ARPP21: variants seen among roughly 807,000 people sequenced by gnomAD.
The protein encoded by ARPP21 is cAMP regulated phosphoprotein 21, also known as cAMP-regulated phosphoprotein 21.
A neutral mutation model predicts 113.2 loss-of-function variants in ARPP21; 69 were observed. That is an observed-to-expected ratio of 0.61 (90% CI 0.50 to 0.74). The LOEUF is 0.74. Ranked by LOEUF, ARPP21 falls within the 30% of genes least tolerant of loss-of-function variation. ARPP21 has a pLI of 0.00. For synonymous variants in ARPP21, 368 were observed against 375.5 expected (o/e 0.98, Z 0.23); for missense variants, 1,070 against 1,037.4 (o/e 1.03, Z -0.43).
intron 1 of ARPP21, among the ~76,000 whole-genome samples, chr3:35,648,049 A>T (rs894834078): frequency 2.6e-5 from 4 of 152,204 alleles, no homozygotes; most frequent in Non-Finnish European, 5.9e-5. Flanking sequence ...GTAATTTGGA[A>T]TACAGCTCTC....
intron 14 of ARPP21, among the ~76,000 whole-genome samples, chr3:35,724,443 A>G: frequency 6.6e-6 from 1 of 152,108 alleles, no homozygotes; most frequent in Non-Finnish European, 1.5e-5. Flanking sequence ...GGGTTTCTGA[A>G]CTTTAGCTCC....
chr3:35,675,440 C>T (rs2077239440), intron 1 of ARPP21, among the ~76,000 whole-genome samples: 1 of 151,844 alleles, frequency 6.6e-6, no homozygotes, highest in South Asian at 2.1e-4. Flanking sequence ...AAAAACCCTC[C>T]TTATCTGTAG....
At chr3:35,779,454 G>A (rs777336086) in intron 19 of ARPP21, among the ~76,000 whole-genome samples, 1 of 152,142 alleles carries the variant, frequency 6.6e-6, no homozygotes, top group Non-Finnish European at 1.5e-5. Flanking sequence ...GAGAAATTCT[G>A]TGTGTGATCC....
intron 19 of ARPP21, among the ~76,000 whole-genome samples, chr3:35,745,639 A>G (rs2094987455): frequency 6.6e-6 from 1 of 152,240 alleles, no homozygotes; most frequent in Non-Finnish European, 1.5e-5. Context: ...ATAACTGGGC[A>G]ACAGAATTAG....
chr3:35,780,219 T>G (rs1347956607), intron 19 of ARPP21, among the ~76,000 whole-genome samples: 1 of 152,186 alleles, frequency 6.6e-6, no homozygotes, highest in Non-Finnish European at 1.5e-5. Context: ...GCATCATCAA[T>G]GAATGTTCTT....
intron 14 of ARPP21, among the ~76,000 whole-genome samples, chr3:35,728,836 T>G (rs977919594): frequency 6.6e-5 from 10 of 152,300 alleles, no homozygotes; most frequent in Non-Finnish European, 1.3e-4. Context: ...GGAGAACCAG[T>G]ACTTCAGAAC....
chr3:35,690,323 A>G (rs2081881569), intron 8 of ARPP21, among the ~76,000 whole-genome samples, 183 bp downstream of exon 8: 1 of 151,444 alleles, frequency 6.6e-6, no homozygotes, highest in Non-Finnish European at 1.5e-5. Context: ...TGCTTGGACC[A>G]TGTGTGCTTC....
intron 14 of ARPP21, among the ~76,000 whole-genome samples, chr3:35,728,333 G>C (rs954189305): frequency 2.7e-5 from 4 of 147,764 alleles, no homozygotes; most frequent in Non-Finnish European, 1.5e-5. Context: ...ATTCTCCTGC[G>C]TCAGCCTCCT....
intron 19 of ARPP21, among the ~76,000 whole-genome samples, chr3:35,751,956 C>T (rs1298584412): frequency 3.3e-5 from 5 of 152,054 alleles, no homozygotes; most frequent in African/African-American, 7.2e-5. Context: ...TTTGGAAATA[C>T]GTCATTACCT....
At chr3:35,760,579 T>C (rs1320082734) in intron 19 of ARPP21, among the ~76,000 whole-genome samples, 1 of 151,974 alleles carries the variant, frequency 6.6e-6, no homozygotes, top group Non-Finnish European at 1.5e-5. Flanking sequence ...TGTCTGCTCC[T>C]CTTAAAAGAA....
chr3:35,752,337 T>C (rs530667064), intron 19 of ARPP21, among the ~76,000 whole-genome samples: 1 of 152,052 alleles, frequency 6.6e-6, no homozygotes, highest in African/African-American at 2.4e-5. Context: ...AAACGATGTA[T>C]GTTTAAAGAG....
intron 9 of ARPP21, among the ~76,000 whole-genome samples, chr3:35,695,145 C>T (rs2149721017): frequency 6.6e-6 from 1 of 151,442 alleles, no homozygotes; most frequent in South Asian, 2.1e-4. Context: ...TGTTCAACTC[C>T]ATAGACTTAT....
intron 5 of ARPP21, chr3:35,685,313 G>C: frequency 1.0e-6 from 1 of 985,320 alleles, no homozygotes; most frequent in South Asian, 4.7e-5. Flanking sequence ...TCCAAGCTCA[G>C]AAACCAAGAC....
intron 9 of ARPP21, among the ~76,000 whole-genome samples, chr3:35,706,728 G>A (rs1289438413): frequency 6.6e-6 from 1 of 152,116 alleles, no homozygotes; most frequent in African/African-American, 2.4e-5. Context: ...CTTTAAATTT[G>A]TTTTTCAATT....
chr3:35,655,568 T>A (rs898888240), intron 1 of ARPP21, among the ~76,000 whole-genome samples: 2 of 152,018 alleles, frequency 1.3e-5, no homozygotes, highest in Non-Finnish European at 2.9e-5. Context: ...ACTTTAGATT[T>A]TGATTTCATA....
chr3:35,767,818 C>T (rs958343740), intron 19 of ARPP21, among the ~76,000 whole-genome samples: 2 of 152,046 alleles, frequency 1.3e-5, no homozygotes, highest in Non-Finnish European at 2.9e-5. Flanking sequence ...GGATCTCTAA[C>T]CCAGTGTTTC....
At chr3:35,642,772 C>T (rs1397582531) in intron 1 of ARPP21, among the ~76,000 whole-genome samples, 1 of 152,108 alleles carries the variant, frequency 6.6e-6, no homozygotes, top group Non-Finnish European at 1.5e-5. Flanking sequence ...TAACCTGAAG[C>T]TCTGCCTTGT....
chr3:35,729,577 GATGTTTGTTCTT>G, intron 15 of ARPP21, 41 bp downstream of exon 15: 1 of 1,517,318 alleles, frequency 6.6e-7, no homozygotes, highest in South Asian at 1.1e-5. Flanking sequence ...AAGGCTTTCA[GATGTTTGTTCTT>G]ATGTTTGATC....
chr3:35,770,558 G>C (rs370244816), intron 19 of ARPP21, among the ~76,000 whole-genome samples: 2 of 152,168 alleles, frequency 1.3e-5, no homozygotes, highest in Non-Finnish European at 2.9e-5. Flanking sequence ...GACTCTTGAA[G>C]AATGGTCTGA....
Sources: gnomAD v4.1 joint callset for allele counts (sites outside exome capture counted in the v4.1 genomes callset) on GRCh38, gnomAD v4.1.1 for gene constraint, MANE v1.5 for transcripts, NCBI Gene and HGNC (gene_info 2026-07-23, HGNC 2026-07-21) for gene names.